Variants in ANO1 observed in about 807,000 individuals in gnomAD.
The protein encoded by ANO1 is anoctamin-1.
Under a neutral mutation model 124.0 loss-of-function variants are expected in ANO1, and 59 were observed. The ratio of observed to expected loss-of-function variants is 0.48; its 90% CI spans 0.39 to 0.59. The LOEUF (loss-of-function observed/expected upper bound fraction) is 0.59, where lower values mean the gene tolerates loss of function less well. Among genes scored for constraint, ANO1 ranks in the 20% least tolerant of loss-of-function variants. ANO1 has a pLI of 0.00. For synonymous variants in ANO1, 529 were observed against 532.0 expected (o/e 0.99, Z 0.08); for missense variants, 1,059 against 1,328.0 (o/e 0.80, Z 3.15).
chr11:70,062,913 G>GTTGTTGTTGTTGT (rs782634788), intron 1 of ANO1, among the ~76,000 whole-genome samples: 7 of 152,042 alleles, frequency 4.6e-5, no homozygotes, highest in African/African-American at 1.7e-4. Context: ...TTGTTTTTTT[G>GTTGTTGTTGTTGT]TTGTTGTTGT....
intron 1 of ANO1, among the ~76,000 whole-genome samples, chr11:70,006,376 C>G (rs539103178): frequency 2.0e-5 from 3 of 152,210 alleles, no homozygotes; most frequent in South Asian, 4.2e-4. Flanking sequence ...TGACCCCAGC[C>G]CTGTAAGCAA....
In ANO1 at chr11:70,155,814, C is replaced by T. The variant is rs560229156; in HGVS notation, c.1426-97C>T. The T allele has an allele frequency of 4.7e-5, 56 of 1,184,710 alleles. No homozygotes were observed. In the South Asian group the frequency reaches 7.6e-4, roughly 16 times the overall value. The allele number at this position is 1,184,710 out of a possible 1,614,324, so 73.4% of individuals were successfully genotyped here. On this transcript the variant is annotated intron_variant, in intron 14 of 25. Transcript: ENST00000355303. The stretch of plus-strand genomic sequence containing the variant: ...ACGGCCCGCACCAGGAGGGGCCAGC[C>T]TGCTGCCAAGATGGGGACGGTTCCC...
the ANO1 span, among the ~76,000 whole-genome samples, chr11:69,968,983 C>T: frequency 6.6e-6 from 1 of 152,348 alleles, no homozygotes; most frequent in South Asian, 2.1e-4. Context: ...TCTAGGTTCT[C>T]AGAGCCTGGA....
chr11:70,118,265 G>A (rs1257766640), intron 8 of ANO1, among the ~76,000 whole-genome samples: 1 of 151,406 alleles, frequency 6.6e-6, no homozygotes, highest in African/African-American at 2.4e-5. Context: ...TTGCTTGGCT[G>A]ATGGTCACGT....
rs1220387311 is a variant in ANO1, at chr11:70,130,230, G to A, written c.1098-1689G>A. Among the ~76,000 whole-genome samples the A allele has an allele frequency of 3.3e-5, 5 of 152,302 alleles. No homozygotes were observed. In the East Asian group the frequency reaches 9.7e-4, roughly 29 times the overall value. On this transcript the variant is annotated intron_variant, in intron 10 of 25. Coordinates refer to ENST00000355303, the MANE Select transcript of ANO1 (RefSeq NM_018043.7). ...GAAAGTTCAAAGCAGGCCAGAGCAGGAAGGGACCTTATTCTGACCCCTCCT... is the reference window on the plus strand; with the variant it reads ...GAAAGTTCAAAGCAGGCCAGAGCAGAAAGGGACCTTATTCTGACCCCTCCT...
At chr11:70,136,962 G>T (rs188036804) in intron 11 of ANO1, among the ~76,000 whole-genome samples, 1 of 147,160 alleles carries the variant, frequency 6.8e-6, no homozygotes, top group Non-Finnish European at 1.5e-5. Context: ...CCAGGGAGGG[G>T]GTGAGCGCCC....
chr11:70,051,307 T>C (rs1857346633), intron 1 of ANO1, among the ~76,000 whole-genome samples: 1 of 152,242 alleles, frequency 6.6e-6, no homozygotes, highest in South Asian at 2.1e-4. Context: ...AAGTCCTTTA[T>C]TCTTGTTGTT....
At chr11:70,135,272 C>T (rs1179972187) in intron 11 of ANO1, among the ~76,000 whole-genome samples, 1 of 152,194 alleles carries the variant, frequency 6.6e-6, no homozygotes, top group Non-Finnish European at 1.5e-5. Flanking sequence ...AAAGAAAAGG[C>T]CTCCGATGGA....
intron 8 of ANO1, among the ~76,000 whole-genome samples, chr11:70,120,416 C>T (rs977381257): frequency 5.3e-5 from 8 of 152,128 alleles, no homozygotes; most frequent in Non-Finnish European, 7.4e-5. Context: ...GCTGCTGCCT[C>T]CCCCTGCCAG....
At chr11:69,989,712 C>T (rs1452229708) in intron 1 of ANO1, among the ~76,000 whole-genome samples, 1 of 152,092 alleles carries the variant, frequency 6.6e-6, no homozygotes, top group Non-Finnish European at 1.5e-5. Flanking sequence ...GGCTGATGGG[C>T]CAGGGGCAGA....
chr11:70,128,576 G>A (rs985493081), intron 10 of ANO1, among the ~76,000 whole-genome samples: 1 of 152,230 alleles, frequency 6.6e-6, no homozygotes, highest in Non-Finnish European at 1.5e-5. Context: ...GCCGCTGTGG[G>A]CGGAGATGAG....
At chr11:70,066,117 G>A (rs1370676679) in intron 1 of ANO1, among the ~76,000 whole-genome samples, 2 of 152,216 alleles carry the variant, frequency 1.3e-5, no homozygotes, top group African/African-American at 4.8e-5. Flanking sequence ...TTCTGTGTCT[G>A]GCACATAGAA....
chr11:70,153,563 C>G (rs2047684601), intron 14 of ANO1, among the ~76,000 whole-genome samples: 1 of 152,176 alleles, frequency 6.6e-6, no homozygotes, highest in Admixed American at 6.5e-5. Context: ...AAACCAGCAC[C>G]CCTGAGCAAA....
At chr11:70,042,529 G>C (rs1318572009) in intron 1 of ANO1, among the ~76,000 whole-genome samples, 1 of 151,862 alleles carries the variant, frequency 6.6e-6, no homozygotes, top group African/African-American at 2.4e-5. Flanking sequence ...GAGAGAGAGA[G>C]AGAGAGAGAT....
intron 11 of ANO1, 111 bp from the exon 12 acceptor site, chr11:70,149,599 G>A: frequency 9.0e-7 from 1 of 1,111,090 alleles, no homozygotes; most frequent in South Asian, 1.4e-5. Context: ...GCAGTGGGTG[G>A]AGATTGCGCC....
rs983980287 is a variant in ANO1 at position 70,156,979 on chromosome 11, G to A, written c.1536G>A (p.Arg512=). Residue 512 remains arginine, a synonymous_variant, in exon 16 of 26, where the codon CGG becomes CGA. Coordinates refer to ENST00000355303, the MANE Select transcript of ANO1 (RefSeq NM_018043.7). ...TDKVKLTWRD[R]FPAYLTNLVS... is the part of the protein sequence containing the mutation. ...AAGTGAAGCTGACATGGAGAGATCG[G>A]TTCCCAGCCTACCTCACTAACTTGG... 3 of 1,613,770 alleles carry A rather than the reference G, an allele frequency of 1.9e-6. No individual in the cohort carries two copies. Among genetic ancestry groups the A allele is most frequent in the Non-Finnish European group, 2.5e-6 (3 of 1,179,842 alleles).
chr11:70,098,519 C>T (rs1410096537), intron 2 of ANO1, among the ~76,000 whole-genome samples: 1 of 152,150 alleles, frequency 6.6e-6, no homozygotes, highest in Non-Finnish European at 1.5e-5. Flanking sequence ...TCCAGCACCC[C>T]GACGCCATGA....
chr11:69,984,325 G>A (rs1855985818), upstream of ANO1, among the ~76,000 whole-genome samples: 1 of 150,304 alleles, frequency 6.7e-6, no homozygotes, highest in Non-Finnish European at 1.5e-5. Flanking sequence ...TGAGCCTGCC[G>A]CCCACGGAGA....
At chr11:70,131,885 C>T in intron 10 of ANO1, 34 bp from the exon 11 acceptor site, 1 of 1,585,436 alleles carries the variant, frequency 6.3e-7, no homozygotes, top group South Asian at 1.1e-5. Context: ...CATGGCCCAA[C>T]AAGGTGACTC....
Sources: allele counts gnomAD v4.1 joint callset (sites outside exome capture counted in the v4.1 genomes callset), GRCh38; gene constraint gnomAD v4.1.1; transcripts MANE v1.5; gene names NCBI Gene and HGNC (gene_info 2026-07-23, HGNC 2026-07-21).